NUSAP1: variants seen among roughly 807,000 people sequenced by gnomAD.
NUSAP1 encodes nucleolar and spindle associated protein 1.
A neutral mutation model predicts 52.8 loss-of-function variants in NUSAP1; 32 were observed. That is an observed-to-expected ratio of 0.61 (90% CI 0.46 to 0.81). NUSAP1 has a LOEUF of 0.81. NUSAP1 is among the 40% of genes least tolerant of loss of function. The probability of loss-of-function intolerance (pLI) is 0.00; values close to 1 mark genes in which losing one functional copy is unlikely to be tolerated. For synonymous variants in NUSAP1, 195 were observed against 183.1 expected, an observed-to-expected ratio of 1.06 and a Z score of -0.52; for missense variants, 499 against 522.3, an observed-to-expected ratio of 0.96 and a Z score of 0.43.
At chr15:41,377,811 C>G in intron 10 of NUSAP1, among the ~76,000 whole-genome samples, 1 of 150,600 alleles carries the variant, frequency 6.6e-6, no homozygotes, top group East Asian at 2.0e-4. Context: ...ACCATCCTGG[C>G]TAACGCATTG....
At chr15:41,365,359 G>T (rs780843524) in intron 6 of NUSAP1, 43 bp from the exon 7 acceptor site, 2 of 1,517,008 alleles carry the variant, frequency 1.3e-6, no homozygotes, top group Non-Finnish European at 1.8e-6. Context: ...GTTTCACCAT[G>T]TTGGAGAGGC....
intron 4 of NUSAP1, among the ~76,000 whole-genome samples, chr15:41,355,329 C>T (rs1360393130): frequency 4.0e-5 from 6 of 151,708 alleles, no homozygotes; most frequent in Non-Finnish European, 8.8e-5. Flanking sequence ...CGCCCCACCA[C>T]GCCCAGCTCA....
chr15:41,372,373 G>A (rs1410142374), intron 8 of NUSAP1, among the ~76,000 whole-genome samples: 1 of 152,120 alleles, frequency 6.6e-6, no homozygotes, highest in Non-Finnish European at 1.5e-5. Context: ...CAACCATGTT[G>A]ACTCGTTTTC....
intron 6 of NUSAP1, among the ~76,000 whole-genome samples, chr15:41,360,604 C>T (rs1377242700): frequency 3.9e-5 from 6 of 152,074 alleles, no homozygotes; most frequent in African/African-American, 9.7e-5. Context: ...GCATAAGCCA[C>T]GGCGCCCAGC....
At chr15:41,342,765 G>T (rs1181589626) in intron 2 of NUSAP1, among the ~76,000 whole-genome samples, 2 of 152,136 alleles carry the variant, frequency 1.3e-5, no homozygotes, top group African/African-American at 2.4e-5. Flanking sequence ...CTTGAACCCG[G>T]GAGGTGGAGG....
At chr15:41,370,906 A>C (rs1350780710) in intron 7 of NUSAP1, among the ~76,000 whole-genome samples, 3 of 152,164 alleles carry the variant, frequency 2.0e-5, no homozygotes, top group African/African-American at 7.2e-5. Context: ...TGGGTAATAG[A>C]GCCAGAACCT....
At chr15:41,351,502 T>C (rs530082595) in intron 4 of NUSAP1, among the ~76,000 whole-genome samples, 56 of 152,298 alleles carry the variant, frequency 3.7e-4, no homozygotes, top group Non-Finnish European at 5.9e-5. Flanking sequence ...TCCACCCAAA[T>C]AGGCCAAGCA....
At chr15:41,362,572 C>T in intron 6 of NUSAP1, among the ~76,000 whole-genome samples, 1 of 151,544 alleles carries the variant, frequency 6.6e-6, no homozygotes, top group East Asian at 1.9e-4. Flanking sequence ...CTACGGGCGC[C>T]CGCCACCACA....
intron 6 of NUSAP1, among the ~76,000 whole-genome samples, chr15:41,363,431 A>G (rs183978165): frequency 7.9e-5 from 12 of 151,844 alleles, no homozygotes; most frequent in Admixed American, 2.6e-4. Flanking sequence ...TGGTAATTCA[A>G]TGGTGCAGTG....
intron 9 of NUSAP1, 90 bp from the exon 10 acceptor site, chr15:41,377,106 A>G: frequency 1.5e-6 from 1 of 684,862 alleles, no homozygotes; most frequent in South Asian, 1.7e-5. Context: ...ATAAATGTTG[A>G]TAGCAGGTAA....
At chr15:41,336,639 C>G (rs1004308095) in intron 1 of NUSAP1, among the ~76,000 whole-genome samples, 13 of 112,936 alleles carry the variant, frequency 1.2e-4, no homozygotes, top group African/African-American at 4.7e-4. Context: ...TTTGATCCTC[C>G]TCCTTTTGGT....
intron 1 of NUSAP1, among the ~76,000 whole-genome samples, chr15:41,334,097 C>CA (rs2140483745): frequency 7.0e-6 from 1 of 143,560 alleles, no homozygotes; most frequent in South Asian, 2.1e-4. Context: ...TCAATCGTCA[C>CA]AATTTTTTTT....
chr15:41,365,633 A>G (rs1159863220), intron 7 of NUSAP1, 44 bp downstream of exon 7: 1 of 1,461,988 alleles, frequency 6.8e-7, no homozygotes, highest in Non-Finnish European at 9.2e-7. Context: ...AAGATTTCAC[A>G]TGGACTATAT....
At chr15:41,336,260 C>T (rs983249564) in intron 1 of NUSAP1, among the ~76,000 whole-genome samples, 5 of 147,170 alleles carry the variant, frequency 3.4e-5, no homozygotes, top group Non-Finnish European at 5.9e-5. Flanking sequence ...GAGCGAAACT[C>T]CGTCTAAAAA....
At chr15:41,371,187 TGGA>T (rs368043352) in intron 7 of NUSAP1, among the ~76,000 whole-genome samples, 5 of 151,548 alleles carry the variant, frequency 3.3e-5, no homozygotes, top group East Asian at 3.9e-4. Flanking sequence ...TCCCCTAACC[TGGA>T]GGAGGAGGAG....
At chr15:41,365,702 A>T in intron 7 of NUSAP1, 113 bp downstream of exon 7, 4 of 618,510 alleles carry the variant, frequency 6.5e-6, no homozygotes, top group Non-Finnish European at 9.9e-6. Flanking sequence ...GTACATAGTG[A>T]TGTTTCTTTT....
In NUSAP1 at chr15:41,359,593, C is replaced by T. The variant is rs145256176; in HGVS notation, c.660+1335C>T. ...TTGAAATAATAAACATTCATTTTAA[C>T]GATGTAAAACCACTGTTACAACCAT... On this transcript the variant is annotated intron_variant, in intron 6 of 10. Transcript: ENST00000559596. Among the ~76,000 whole-genome samples the T allele has an allele frequency of 3.4e-3, 517 of 151,170 alleles. 3 individuals carry two copies. Among genetic ancestry groups the T allele is most frequent in the African/African-American group, 0.012 (499 of 41,232 alleles).
chr15:41,355,991 T>C (rs2048955280), intron 4 of NUSAP1, 48 bp from the exon 5 acceptor site: 7 of 1,244,250 alleles, frequency 5.6e-6, no homozygotes, highest in African/African-American at 3.0e-5. Context: ...TATTTCTTAA[T>C]GAGAACTTTT....
chr15:41,365,526 G>T lies in NUSAP1; in HGVS notation c.785G>T (p.Ser262Ile), dbSNP rs1226701809. Residue 262 changes from serine (S) to isoleucine (I), a missense_variant, in exon 7 of 11, where the codon AGT becomes ATT. By Grantham distance (142) the Ser-to-Ile change is moderately radical (BLOSUM62 -2). Transcript: ENST00000559596. ...QGRSCGPASQ[S>I]TLGLKGSLKR... ...CGGTCTTGTGGCCCTGCAAGTCAGA[G>T]TACCTTGGGTCTGAAGGGGTCACTC... The T allele has an allele frequency of 6.2e-7, 1 of 1,612,854 alleles. No homozygotes were observed. Among genetic ancestry groups the T allele is most frequent in the African/African-American group, 1.3e-5 (1 of 74,850 alleles).
Sources: gnomAD v4.1 joint callset for allele counts (sites outside exome capture counted in the v4.1 genomes callset) on GRCh38, gnomAD v4.1.1 for gene constraint, MANE v1.5 for transcripts, NCBI Gene and HGNC (gene_info 2026-07-23, HGNC 2026-07-21) for gene names.